The following TMEM184B variants were observed in gnomAD, a reference collection of about 807,000 sequenced individuals.
The protein encoded by TMEM184B is transmembrane protein 184B.
Under a neutral mutation model 41.8 loss-of-function variants are expected in TMEM184B, and 17 were observed. The observed-to-expected ratio is 0.41, with a 90% confidence interval of 0.28 to 0.61. The LOEUF (loss-of-function observed/expected upper bound fraction) is 0.61. Ranked by LOEUF, TMEM184B falls within the 20% of genes least tolerant of loss-of-function variation. The pLI, the probability that TMEM184B is intolerant of heterozygous loss-of-function variation, is 0.34. For missense variants in TMEM184B, 393 were observed against 557.8 expected, an observed-to-expected ratio of 0.70 and a Z score of 2.98; for synonymous variants, 240 against 229.5, an observed-to-expected ratio of 1.05 and a Z score of -0.41.
chr22:38,261,265 C>A (rs1476570460), intron 1 of TMEM184B, among the ~76,000 whole-genome samples: 1 of 152,104 alleles, frequency 6.6e-6, no homozygotes, highest in Non-Finnish European at 1.5e-5. Context: ...GAAAGAGCGG[C>A]CCCTGGCCAG....
At chr22:38,228,415 C>T (rs1256129389) in intron 5 of TMEM184B, among the ~76,000 whole-genome samples, 2 of 152,104 alleles carry the variant, frequency 1.3e-5, no homozygotes, top group African/African-American at 2.4e-5. Flanking sequence ...GAAGCAGCAG[C>T]AGCAGCAGCA....
intron 3 of TMEM184B, among the ~76,000 whole-genome samples, chr22:38,238,341 T>C (rs2091830883): frequency 6.6e-6 from 1 of 150,850 alleles, no homozygotes; most frequent in African/African-American, 2.4e-5. Context: ...TTCTCCTGCC[T>C]CAGCCTCCTG....
chr22:38,251,706 C>G (rs1189474168), intron 1 of TMEM184B, among the ~76,000 whole-genome samples: 2 of 152,148 alleles, frequency 1.3e-5, no homozygotes, highest in African/African-American at 4.8e-5. Flanking sequence ...GCAAGCAGGA[C>G]GTTCACCTGG....
chr22:38,270,501 G>A (rs1229892701), intron 1 of TMEM184B, among the ~76,000 whole-genome samples: 1 of 152,226 alleles, frequency 6.6e-6, no homozygotes, highest in Non-Finnish European at 1.5e-5. Context: ...TCCACCACAA[G>A]TAGGGCACTG....
chr22:38,254,033 T>C (rs936402884), intron 1 of TMEM184B, among the ~76,000 whole-genome samples: 1 of 151,934 alleles, frequency 6.6e-6, no homozygotes, highest in African/African-American at 2.4e-5. Context: ...AAACCCTGTC[T>C]CTACTAAAAA....
Position 38,233,760 on chromosome 22 carries a change from G to T in TMEM184B, c.359-2426C>A, listed in dbSNP as rs576955816. ...CATGATGGTTGTATTTTTTTTTGTT[G>T]TTTTTGTTTTTTGTTTTTGCTTTTT... On this transcript the variant is annotated intron_variant, in intron 3 of 8. Coordinates refer to ENST00000361906, the MANE Select transcript of TMEM184B (RefSeq NM_012264.5). Among the ~76,000 whole-genome samples, 17 of 151,840 alleles carry T rather than the reference G, an allele frequency of 1.1e-4. No individual in the cohort carries two copies. The East Asian group carries it at 3.3e-3, about 29-fold the overall frequency.
At chr22:38,222,044 G>A (rs752443413) in intron 8 of TMEM184B, 6 of 359,548 alleles carry the variant, frequency 1.7e-5, no homozygotes, top group Non-Finnish European at 2.6e-5. Context: ...AGAGGCCAGA[G>A]CAGGCTCAGC....
chr22:38,230,619 C>T (rs775805562), intron 5 of TMEM184B, 50 bp downstream of exon 5: 1 of 1,571,128 alleles, frequency 6.4e-7, no homozygotes, highest in South Asian at 1.2e-5. Flanking sequence ...CAGGGCCTCC[C>T]AGACCCCGCC....
At chr22:38,253,037 G>A (rs1421741493) in intron 1 of TMEM184B, among the ~76,000 whole-genome samples, 1 of 152,220 alleles carries the variant, frequency 6.6e-6, no homozygotes, top group Non-Finnish European at 1.5e-5. Context: ...AGCTACTGGG[G>A]AGGCTGAGGC....
At chr22:38,247,444 G>A (rs1194799892) in intron 2 of TMEM184B, among the ~76,000 whole-genome samples, 1 of 152,204 alleles carries the variant, frequency 6.6e-6, no homozygotes. Context: ...GCCCTGGGAC[G>A]CAGGCAAGAA....
At chr22:38,216,635 G>T, downstream of TMEM184B, 1 of 154,020 alleles carries the variant, frequency 6.5e-6, no homozygotes. Context: ...CAGGGTATGA[G>T]GTGGAGGGGA....
At chr22:38,258,868 G>C (rs1394241569) in intron 1 of TMEM184B, among the ~76,000 whole-genome samples, 1 of 152,162 alleles carries the variant, frequency 6.6e-6, no homozygotes, top group African/African-American at 2.4e-5. Flanking sequence ...AAGGGGATGT[G>C]GGCCTGGACC....
chr22:38,250,760 C>T (rs1213881416), intron 1 of TMEM184B, among the ~76,000 whole-genome samples: 1 of 152,148 alleles, frequency 6.6e-6, no homozygotes, highest in African/African-American at 2.4e-5. Context: ...GCTTGGACTC[C>T]CAGGCAGAGG....
chr22:38,250,350 C>A (rs192001936), intron 1 of TMEM184B, among the ~76,000 whole-genome samples: 201 of 152,378 alleles, frequency 1.3e-3, no homozygotes, highest in African/African-American at 4.7e-3. Flanking sequence ...TATTTTCCCA[C>A]ATATACATGA....
Position 38,272,994 on chromosome 22 carries a change from C to A in TMEM184B, c.-169G>T, listed in dbSNP as rs578068994. ...GGAGTCTCCGCCGCCGCCGGCGCGT[C>A]CCGGGCCCAGTGGAGTGCAGCCGCG... On this transcript the variant is annotated 5_prime_UTR_variant, in exon 1 of 9. Coordinates refer to ENST00000361906, the MANE Select transcript of TMEM184B (RefSeq NM_012264.5). 1.8e-3 allele frequency: 344 copies of A among 196,424 alleles called. 2 individuals carry two copies. The highest frequency in any genetic ancestry group is 7.5e-3 in the African/African-American group (316 of 42,238). The allele number at this position is 196,424 out of a possible 1,614,324, so 12.2% of individuals were successfully genotyped here.
chr22:38,232,683 G>C, intron 3 of TMEM184B, among the ~76,000 whole-genome samples: 1 of 152,162 alleles, frequency 6.6e-6, no homozygotes, highest in Non-Finnish European at 1.5e-5. Flanking sequence ...CTGCAGTACA[G>C]AGTCCTTTTA....
chr22:38,256,798 G>A (rs568931110), intron 1 of TMEM184B, among the ~76,000 whole-genome samples: 42 of 152,130 alleles, frequency 2.8e-4, no homozygotes, highest in Middle Eastern at 3.4e-3. Flanking sequence ...TAAATACTTC[G>A]GTGTGCATCT....
chr22:38,219,834 G>A lies in TMEM184B; in HGVS notation c.*1635C>T. ...GCACCCACCCTCCCGGGCAGCTTGG[G>A]CCCAACTGCTCCGCCCCCCCAAGAT... On this transcript the variant is annotated 3_prime_UTR_variant, in exon 9 of 9. Transcript: ENST00000361906. 1.0e-6 allele frequency: 1 copy of A among 985,396 alleles called. No homozygotes were observed. Among genetic ancestry groups the A allele is most frequent in the Non-Finnish European group, 1.2e-6 (1 of 829,942 alleles). The allele number at this position is 985,396 out of a possible 1,614,324, so 61.0% of individuals were successfully genotyped here.
intron 1 of TMEM184B, among the ~76,000 whole-genome samples, chr22:38,271,445 TACTC>T (rs1421654093): frequency 6.6e-6 from 1 of 152,184 alleles, no homozygotes; most frequent in Non-Finnish European, 1.5e-5. Context: ...AACTGTTCCT[TACTC>T]ACACAGCTGC....
Sources: gnomAD v4.1 joint callset for allele counts (sites outside exome capture counted in the v4.1 genomes callset) on GRCh38, gnomAD v4.1.1 for gene constraint, MANE v1.5 for transcripts, NCBI Gene and HGNC (gene_info 2026-07-23, HGNC 2026-07-21) for gene names.